ARHGEF10L: variants seen among roughly 807,000 people sequenced by gnomAD.
ARHGEF10L encodes rho guanine nucleotide exchange factor 10-like protein.
ARHGEF10L carries 69 observed loss-of-function variants against 141.2 expected under a neutral mutation model. That is an observed-to-expected ratio of 0.49 (90% confidence interval 0.40 to 0.60). The LOEUF is 0.60. Among genes scored for constraint, ARHGEF10L ranks in the 20% least tolerant of loss-of-function variants. The pLI, the probability that ARHGEF10L is intolerant of heterozygous loss-of-function variation, is 0.00. For synonymous variants in ARHGEF10L, 711 were observed against 718.5 expected, an observed-to-expected ratio of 0.99 and a Z score of 0.17; for missense variants, 1,482 against 1,734.3, an observed-to-expected ratio of 0.85 and a Z score of 2.58.
At position 17,638,668 on chromosome 1, in the gene ARHGEF10L, T is replaced by C; in HGVS notation, c.2150T>C (p.Leu717Pro). ...HSANKCRLRL[L>P]LPGKPDKSGR... The stretch of plus-strand genomic sequence containing the variant: ...GCCAACAAGTGCCGTCTCAGGCTCC[T>C]GCTTCCTGGGAAACCCGACAAGTGA... The change falls in exon 20 of 29, where the codon CTG (leucine) becomes CCG (proline). Residue 717 changes from leucine to proline, a missense_variant. This residue lies in a region of ARHGEF10L where 858 missense variants were observed against 966.3 expected (regional missense o/e 0.89). Coordinates refer to ENST00000361221, the MANE Select transcript of ARHGEF10L (RefSeq NM_018125.4). 6.2e-7 allele frequency: 1 copy of C among 1,614,102 alleles called. No individual in the cohort carries two copies. Among genetic ancestry groups the C allele is most frequent in the Non-Finnish European group, 8.5e-7 (1 of 1,180,022 alleles).
intron 1 of ARHGEF10L, among the ~76,000 whole-genome samples, chr1:17,541,132 G>A (rs963521492): frequency 2.6e-5 from 4 of 152,124 alleles, no homozygotes; most frequent in Non-Finnish European, 5.9e-5. Flanking sequence ...GTCCCCAGGC[G>A]CTTGCCTTCC....
chr1:17,646,588 G>A lies in ARHGEF10L; in HGVS notation c.2273-1966G>A, dbSNP rs116127864. On this transcript the variant is annotated intron_variant, in intron 21 of 28. Transcript: ENST00000361221. ...TGCACACACACGCACGCGTGCACACGTGCACATGTGCACACAACGAAGAAG... is the reference window on the plus strand; with the variant it reads ...TGCACACACACGCACGCGTGCACACATGCACATGTGCACACAACGAAGAAG... Among the ~76,000 whole-genome samples, 1,008 of 152,232 alleles carry A rather than the reference G, an allele frequency of 6.6e-3. 16 individuals are homozygous for A. Among genetic ancestry groups the A allele is most frequent in the African/African-American group, 0.023 (952 of 41,546 alleles).
In ARHGEF10L at chr1:17,697,627, A is replaced by C; in HGVS notation, c.*247A>C. On this transcript the variant is annotated 3_prime_UTR_variant, in exon 29 of 29. Coordinates refer to ENST00000361221, the MANE Select transcript of ARHGEF10L (RefSeq NM_018125.4). This position sits in a 1 kb window ranked among gnomAD's most constrained non-coding sequence, Gnocchi z 4.8. ...ATGGCCTTCTTTTTAAAAGCAAAAA[A>C]CACAAAACCTCACAACTGCCTGGCA... 1.5e-6 allele frequency: 1 copy of C among 656,938 alleles called. No homozygotes were observed. The highest frequency in any genetic ancestry group is 1.5e-5 in the South Asian group (1 of 66,014). The allele number at this position is 656,938 out of a possible 1,614,324, so 40.7% of individuals were successfully genotyped here.
intron 10 of ARHGEF10L, among the ~76,000 whole-genome samples, chr1:17,620,881 G>T (rs1415005463): frequency 6.6e-6 from 1 of 152,192 alleles, no homozygotes; most frequent in Non-Finnish European, 1.5e-5. Context: ...TGGTATCCAG[G>T]TTCCACCTTG....
chr1:17,540,510 C>G (rs116601668), intron 1 of ARHGEF10L, among the ~76,000 whole-genome samples: 3,204 of 152,186 alleles, frequency 0.021, 100 homozygotes, highest in African/African-American at 0.07. Flanking sequence ...CCCGGATCCT[C>G]CCTGGAACAG....
intron 25 of ARHGEF10L, among the ~76,000 whole-genome samples, chr1:17,662,347 T>C (rs1372378855): frequency 6.6e-6 from 1 of 152,152 alleles, no homozygotes; most frequent in African/African-American, 2.4e-5. Context: ...CCCTGCAACA[T>C]CCGGAGAAGG....
At chr1:17,577,309 G>T (rs1033131160) in intron 1 of ARHGEF10L, among the ~76,000 whole-genome samples, 1 of 152,202 alleles carries the variant, frequency 6.6e-6, no homozygotes, top group Non-Finnish European at 1.5e-5. Context: ...GCCTCCCAAA[G>T]TGCTGGGATT....
intron 1 of ARHGEF10L, among the ~76,000 whole-genome samples, chr1:17,562,622 T>C (rs1233461475): frequency 6.6e-6 from 1 of 152,244 alleles, no homozygotes; most frequent in African/African-American, 2.4e-5. Context: ...TCACTTTGAT[T>C]TCATACTTGT....
chr1:17,609,051 G>A (rs968764046), intron 7 of ARHGEF10L, among the ~76,000 whole-genome samples: 1 of 152,230 alleles, frequency 6.6e-6, no homozygotes, highest in Non-Finnish European at 1.5e-5. Context: ...CTAAAGTGCT[G>A]GGATTACAGG....
chr1:17,591,492 A>G (rs1484903684), intron 4 of ARHGEF10L, among the ~76,000 whole-genome samples: 3 of 149,102 alleles, frequency 2.0e-5, no homozygotes, highest in East Asian at 2.0e-4. Context: ...GCTCACTGCA[A>G]CCTTTGCCTC....
At chr1:17,585,950 C>T (rs1259857747) in intron 2 of ARHGEF10L, among the ~76,000 whole-genome samples, 4 of 152,146 alleles carry the variant, frequency 2.6e-5, no homozygotes, top group East Asian at 1.9e-4. Flanking sequence ...GGCACTGTGC[C>T]GAGGGCTACT....
rs1327805108 is a variant in ARHGEF10L, at chr1:17,558,068, A to ATCTG, written c.-44+18120_-44+18121insTGTC. On this transcript the variant is annotated intron_variant, in intron 1 of 28. Coordinates refer to ENST00000361221, the MANE Select transcript of ARHGEF10L (RefSeq NM_018125.4). The surrounding 1 kb of genome is among the most constrained non-coding windows in gnomAD (Gnocchi z 4.2). ...CATTCATTTACCCACCCACCCGTGCATCCATCTGTCCATCTGTCCATCTGT... is the reference window on the plus strand; with the variant it reads ...CATTCATTTACCCACCCACCCGTGCATCTGTCCATCTGTCCATCTGTCCATCTGT... Among the ~76,000 whole-genome samples the ATCTG allele has an allele frequency of 6.6e-6, 1 of 151,478 alleles. No individual in the cohort carries two copies. The highest frequency in any genetic ancestry group is 1.5e-5 in the Non-Finnish European group (1 of 67,874).
At chr1:17,642,243 T>C (rs565706997) in intron 21 of ARHGEF10L, among the ~76,000 whole-genome samples, 2 of 152,266 alleles carry the variant, frequency 1.3e-5, no homozygotes, top group East Asian at 3.9e-4. Context: ...GGGGGACCCC[T>C]GAGGCGGGGT....
At chr1:17,587,043 C>A (rs573018193) in intron 2 of ARHGEF10L, among the ~76,000 whole-genome samples, 1 of 152,174 alleles carries the variant, frequency 6.6e-6, no homozygotes, top group East Asian at 1.9e-4. Context: ...GGGAAGGATG[C>A]GCTGTCTGTG....
the ARHGEF10L span, among the ~76,000 whole-genome samples, chr1:17,518,774 G>T: frequency 7.8e-6 from 1 of 127,540 alleles, no homozygotes; most frequent in African/African-American, 3.1e-5. Flanking sequence ...CTGCATTCCA[G>T]CCTGGGTAAT....
chr1:17,695,543 G>T (rs977769224), intron 28 of ARHGEF10L, among the ~76,000 whole-genome samples: 1 of 152,270 alleles, frequency 6.6e-6, no homozygotes, highest in Non-Finnish European at 1.5e-5. Context: ...CCTGCCTAAT[G>T]GCAGGGGCTC....
In ARHGEF10L at chr1:17,697,681, C is replaced by T. The variant is rs116609163; in HGVS notation, c.*301C>T. 9.8e-4 allele frequency: 542 copies of T among 553,844 alleles called. 2 individuals are homozygous for T. The highest frequency in any genetic ancestry group is 9.2e-3 in the African/African-American group (495 of 53,970). 34.3% of individuals were successfully genotyped at this position (553,844 alleles called of 1,614,324 possible). On this transcript the variant is annotated 3_prime_UTR_variant, in exon 29 of 29. Coordinates refer to ENST00000361221, the MANE Select transcript of ARHGEF10L (RefSeq NM_018125.4). The surrounding 1 kb of genome is among the most constrained non-coding windows in gnomAD (Gnocchi z 4.8). ...CCAGTATCACTTGTTTGGGCCCTAGCGGGACTCCAAGGCAGCCACACGCCC... is the reference window on the plus strand; with the variant it reads ...CCAGTATCACTTGTTTGGGCCCTAGTGGGACTCCAAGGCAGCCACACGCCC...
chr1:17,555,852 G>A (rs1311069010), intron 1 of ARHGEF10L, among the ~76,000 whole-genome samples: 2 of 152,020 alleles, frequency 1.3e-5, no homozygotes, highest in East Asian at 3.9e-4. Context: ...GCCTTCCTGG[G>A]AGGAAGGTCA....
Position 17,654,552 on chromosome 1 carries a change from T to G in ARHGEF10L, c.2395-84T>G, listed in dbSNP as rs997912564. 2 of 1,223,732 alleles carry G rather than the reference T, an allele frequency of 1.6e-6. No homozygotes were observed. The highest frequency in any genetic ancestry group is 2.4e-6 in the Non-Finnish European group (2 of 825,304). The allele number at this position is 1,223,732 out of a possible 1,614,324, so 75.8% of individuals were successfully genotyped here. ...ACAGGGATTCTAATCCAGGGAGAGT[T>G]GGATGGGGCCCAGGAATCTGCCAAA... On this transcript the variant is annotated intron_variant, in intron 22 of 28. Transcript: ENST00000361221. The surrounding 1 kb of genome is among the most constrained non-coding windows in gnomAD (Gnocchi z 4.3).
Sources: gnomAD v4.1 joint callset for allele counts (sites outside exome capture counted in the v4.1 genomes callset) on GRCh38, gnomAD v4.1.1 for gene constraint, gnomAD v4.1.1 regional missense constraint, Gnocchi (gnomAD v3.1) non-coding constraint, MANE v1.5 for transcripts, NCBI Gene and HGNC (gene_info 2026-07-23, HGNC 2026-07-21) for gene names.